Variants in ATXN8OS observed in about 807,000 individuals in gnomAD.
ATXN8OS encodes the protein ATXN8 opposite strand lncRNA.
intron 3 of ATXN8OS, among the ~76,000 whole-genome samples, chr13:70,134,632 G>A (rs1888584308): frequency 6.6e-6 from 1 of 152,168 alleles, no homozygotes; most frequent in Admixed American, 6.5e-5. Flanking sequence ...AATTGCCAAG[G>A]AAAACATGAT....
At chr13:70,107,538 A>G (rs763213239), upstream of ATXN8OS, 2 of 1,609,392 alleles carry the variant, frequency 1.2e-6, no homozygotes, top group Non-Finnish European at 1.7e-6. Context: ...TGAGCAGGCG[A>G]CTCTGGCTGG....
At chr13:70,167,032 T>A (rs1338425357) in intron 4 of ATXN8OS, among the ~76,000 whole-genome samples, 14 of 151,518 alleles carry the variant, frequency 9.2e-5, no homozygotes, top group Admixed American at 2.6e-4. Context: ...GCTGGAGAGG[T>A]TGTGGAGAAA....
chr13:70,162,335 T>C (rs940895081), intron 4 of ATXN8OS, among the ~76,000 whole-genome samples: 1 of 152,114 alleles, frequency 6.6e-6, no homozygotes, highest in African/African-American at 2.4e-5. Flanking sequence ...TCATCACTCC[T>C]AGGACTGAAG....
At position 70,108,949 on chromosome 13, in the gene ATXN8OS, G is replaced by A. The variant is rs528941884; in HGVS notation, n.240+930G>A. Among the ~76,000 whole-genome samples, 15 of 152,302 alleles carry A rather than the reference G, an allele frequency of 9.8e-5. No homozygotes were observed. In the South Asian group the frequency reaches 3.1e-3, roughly 32 times the overall value. ...TTCACTCCTGGGGCCAGAGGCGTAC[G>A]GTAGAAATTTGAAGATGGGCATCTG... On this transcript the variant is annotated intron_variant and non_coding_transcript_variant, in intron 1 of 4. Coordinates refer to ENST00000678624, the Ensembl canonical transcript of ATXN8OS.
intron 1 of ATXN8OS, among the ~76,000 whole-genome samples, chr13:70,114,868 C>T (rs958350226): frequency 7.2e-5 from 11 of 151,928 alleles, no homozygotes; most frequent in Non-Finnish European, 1.6e-4. Flanking sequence ...CTCCATAAGC[C>T]GTACTTTTTC....
intron 3 of ATXN8OS, among the ~76,000 whole-genome samples, chr13:70,146,050 T>A: frequency 1.7e-5 from 1 of 59,490 alleles, no homozygotes; most frequent in Non-Finnish European, 3.1e-5. Flanking sequence ...TACAATGAAC[T>A]CAAACAAATT....
intron 4 of ATXN8OS, among the ~76,000 whole-genome samples, chr13:70,166,262 G>T (rs974361108): frequency 1.3e-5 from 2 of 152,028 alleles, no homozygotes; most frequent in South Asian, 4.2e-4. Context: ...CTGACTTCAA[G>T]CTATACTACA....
At chr13:70,146,376 A>G (rs890570694) in intron 3 of ATXN8OS, among the ~76,000 whole-genome samples, 1 of 151,706 alleles carries the variant, frequency 6.6e-6, no homozygotes, top group African/African-American at 2.4e-5. Context: ...GGGATCTAGA[A>G]CTAGAAATAC....
chr13:70,156,379 C>T (rs766001783), intron 4 of ATXN8OS, among the ~76,000 whole-genome samples: 3 of 152,008 alleles, frequency 2.0e-5, no homozygotes, highest in Non-Finnish European at 2.9e-5. Context: ...TTCTGGAAAT[C>T]TACCACTAAA....
At chr13:70,107,738 A>T, upstream of ATXN8OS, 1 of 1,465,366 alleles carries the variant, frequency 6.8e-7, no homozygotes, top group Non-Finnish European at 9.0e-7. Flanking sequence ...CAGCTCACGC[A>T]GGAGTAGGCT....
chr13:70,121,545 C>T (rs1485991175), intron 2 of ATXN8OS, among the ~76,000 whole-genome samples: 3 of 151,880 alleles, frequency 2.0e-5, no homozygotes, highest in African/African-American at 7.3e-5. Flanking sequence ...CACCCAGAGA[C>T]TCAATAATGT....
At chr13:70,154,979 C>T (rs1285386140) in intron 4 of ATXN8OS, among the ~76,000 whole-genome samples, 1 of 152,124 alleles carries the variant, frequency 6.6e-6, no homozygotes, top group Non-Finnish European at 1.5e-5. Context: ...CTGCTTTCAC[C>T]CCACTGTAAG....
chr13:70,170,906 C>G (rs541839001), exon 5 of ATXN8OS, among the ~76,000 whole-genome samples: 48 of 152,146 alleles, frequency 3.2e-4, no homozygotes, highest in African/African-American at 1.0e-3. Flanking sequence ...GTGCTTAATA[C>G]TGCAGGACAT....
At chr13:70,126,421 T>G (rs1363338283) in intron 2 of ATXN8OS, among the ~76,000 whole-genome samples, 1 of 152,130 alleles carries the variant, frequency 6.6e-6, no homozygotes, top group African/African-American at 2.4e-5. Flanking sequence ...ACTGATAGAT[T>G]CAATACATGG....
chr13:70,164,773 A>T (rs1399569769), intron 4 of ATXN8OS, among the ~76,000 whole-genome samples: 1 of 152,036 alleles, frequency 6.6e-6, no homozygotes, highest in Admixed American at 6.6e-5. Flanking sequence ...GGAGCCCTTT[A>T]TCCATCTTCT....
At chr13:70,158,127 T>C (rs1888959368) in intron 4 of ATXN8OS, among the ~76,000 whole-genome samples, 2 of 152,224 alleles carry the variant, frequency 1.3e-5, no homozygotes, top group Non-Finnish European at 2.9e-5. Context: ...TTCTTTAAGA[T>C]AGAAGAGCAG....
At chr13:70,108,067 C>G (rs563691018) in intron 1 of ATXN8OS, 4 of 418,066 alleles carry the variant, frequency 9.6e-6, no homozygotes, top group Non-Finnish European at 1.7e-5. Flanking sequence ...GAGGTCTGAG[C>G]GCTCCGAAGC....
exon 5 of ATXN8OS, among the ~76,000 whole-genome samples, chr13:70,170,611 G>C (rs1170911722): frequency 6.6e-6 from 1 of 152,094 alleles, no homozygotes; most frequent in Admixed American, 6.6e-5. Context: ...CTAAGCTTTT[G>C]TTTTAAATTC....
At chr13:70,126,095 C>A (rs1771662916) in intron 2 of ATXN8OS, among the ~76,000 whole-genome samples, 2 of 152,114 alleles carry the variant, frequency 1.3e-5, no homozygotes, top group African/African-American at 4.8e-5. Flanking sequence ...GTGCTTGTAG[C>A]ATGCTTAGGA....
Sources: gnomAD v4.1 joint callset for allele counts (sites outside exome capture counted in the v4.1 genomes callset) on GRCh38, gnomAD v4.1.1 for gene constraint, MANE v1.5 for transcripts, NCBI Gene and HGNC (gene_info 2026-07-23, HGNC 2026-07-21) for gene names.